THSD4: variants seen among roughly 807,000 people sequenced by gnomAD.
THSD4 encodes the protein thrombospondin type 1 domain containing 4, also known as thrombospondin type-1 domain-containing protein 4.
Under a neutral mutation model 119.0 loss-of-function variants are expected in THSD4, and 69 were observed. The ratio of observed to expected loss-of-function variants is 0.58; its 90% CI spans 0.48 to 0.71. The LOEUF (loss-of-function observed/expected upper bound fraction) is 0.71, where lower values mean the gene tolerates loss of function less well. Among genes scored for constraint, THSD4 ranks in the 30% least tolerant of loss-of-function variants. The pLI, the probability that THSD4 is intolerant of heterozygous loss-of-function variation, is 0.00. For missense variants in THSD4, 1,393 were observed against 1,391.1 expected, an observed-to-expected ratio of 1.00 and a Z score of -0.02; for synonymous variants, 524 against 540.4, an observed-to-expected ratio of 0.97 and a Z score of 0.42.
intron 7 of THSD4, among the ~76,000 whole-genome samples, chr15:71,588,240 AG>A (rs2049723276): frequency 6.8e-6 from 1 of 147,160 alleles, no homozygotes; most frequent in Non-Finnish European, 1.5e-5. Flanking sequence ...CGGGAGGCGG[AG>A]CTTGCAGTGA....
In THSD4 at chr15:71,411,793, C is replaced by T; in HGVS notation, c.1122C>T (p.Gly374=). The change falls in exon 7 of 18, where the codon GGC becomes GGT. Residue 374 remains glycine, a synonymous_variant. Coordinates refer to ENST00000261862, the MANE Select transcript of THSD4 (RefSeq NM_024817.3). The stretch of plus-strand genomic sequence containing the variant: ...ATGGCACCCCCTGTGACCAGAACGG[C>T]ACGGCCATCTGTGTGTCTGGGCAGT... ...VIDGTPCDQN[G]TAICVSGQCK... is the part of the protein sequence containing the mutation. The T allele has an allele frequency of 6.2e-7, 1 of 1,614,084 alleles. No individual in the cohort carries two copies. The highest frequency in any genetic ancestry group is 8.5e-7 in the Non-Finnish European group (1 of 1,179,986).
intron 2 of THSD4, among the ~76,000 whole-genome samples, chr15:71,149,969 A>G (rs750837143): frequency 2.0e-5 from 3 of 152,116 alleles, no homozygotes; most frequent in Non-Finnish European, 2.9e-5. Context: ...AAAACCTAGA[A>G]CAGCACTGGG....
At chr15:71,603,972 A>G (rs76259531) in intron 7 of THSD4, among the ~76,000 whole-genome samples, 4,498 of 152,296 alleles carry the variant, frequency 0.03, 198 homozygotes, top group African/African-American at 0.1. Flanking sequence ...TAGAAGAAAG[A>G]AAAAATAGCC....
intron 10 of THSD4, among the ~76,000 whole-genome samples, 186 bp from the exon 11 acceptor site, chr15:71,737,546 C>T (rs151196903): frequency 6.0e-4 from 91 of 152,264 alleles, no homozygotes; most frequent in African/African-American, 2.1e-3. Flanking sequence ...TATTGATTTT[C>T]AAAAGTGCTT....
chr15:71,299,976 A>AATATATATATATATAT (rs1185451144), intron 6 of THSD4, among the ~76,000 whole-genome samples: 2 of 48,320 alleles, frequency 4.1e-5, no homozygotes, highest in African/African-American at 7.7e-5. Flanking sequence ...AAAAAAAAAA[A>AATATATATATATATAT]ATATATATAT....
intron 7 of THSD4, among the ~76,000 whole-genome samples, chr15:71,434,366 C>A (rs1436700379): frequency 6.6e-6 from 1 of 150,748 alleles, no homozygotes; most frequent in Non-Finnish European, 1.5e-5. Context: ...TGAGAGGAAC[C>A]TGCCCACGAG....
intron 5 of THSD4, among the ~76,000 whole-genome samples, chr15:71,248,387 G>T (rs1328160558): frequency 6.6e-6 from 1 of 152,128 alleles, no homozygotes; most frequent in Non-Finnish European, 1.5e-5. Context: ...CTTTCTTTTA[G>T]GTGCTCTGAA....
chr15:71,415,349 T>C (rs1406876796), intron 7 of THSD4, among the ~76,000 whole-genome samples: 2 of 152,260 alleles, frequency 1.3e-5, no homozygotes, highest in African/African-American at 4.8e-5. Context: ...AGCCTATGTT[T>C]ATCCAGTTCT....
At chr15:71,202,338 G>T (rs1178896210) in intron 3 of THSD4, among the ~76,000 whole-genome samples, 2 of 152,078 alleles carry the variant, frequency 1.3e-5, no homozygotes, top group African/African-American at 4.8e-5. Context: ...TCATCTCTTG[G>T]CTACTTTCCT....
At chr15:71,660,970 C>A (rs1211990635) in intron 8 of THSD4, among the ~76,000 whole-genome samples, 1 of 152,180 alleles carries the variant, frequency 6.6e-6, no homozygotes, top group Non-Finnish European at 1.5e-5. Context: ...TTTAAACCAG[C>A]CTTTGCTTTT....
At chr15:71,708,063 T>C (rs8043293) in intron 8 of THSD4, among the ~76,000 whole-genome samples, 3,588 of 152,270 alleles carry the variant, frequency 0.024, 132 homozygotes, top group African/African-American at 0.082. Flanking sequence ...CTGTACTGTC[T>C]GGGAAGTTTT....
At position 71,447,109 on chromosome 15, in the gene THSD4, A is replaced by ATTTTTTTTTTT. The variant is rs1491223591; in HGVS notation, c.1152+35294_1152+35295insTTTTTTTTTTT. On this transcript the variant is annotated intron_variant, in intron 7 of 17. Transcript: ENST00000261862. The stretch of plus-strand genomic sequence containing the variant: ...TGTCCTCTGTTGCCCTCTTCCCTCC[A>ATTTTTTTTTTT]TTTTTTTTGTTTTTTTTTTTTTTTT... Among the ~76,000 whole-genome samples the ATTTTTTTTTTT allele has an allele frequency of 1.0e-4, 7 of 69,478 alleles. 1 individual carries two copies. The highest frequency in any genetic ancestry group is 2.8e-4 in the African/African-American group (5 of 18,162). 45.6% of individuals were successfully genotyped at this position (69,478 alleles called of 152,430 possible).
chr15:71,622,049 G>T (rs750683209), intron 7 of THSD4, among the ~76,000 whole-genome samples: 25 of 152,192 alleles, frequency 1.6e-4, no homozygotes, highest in Non-Finnish European at 2.9e-4. Context: ...TGGTTCAGGT[G>T]ATCTTGGAGG....
At chr15:71,111,271 A>G, upstream of THSD4, 1 of 1,614,030 alleles carries the variant, frequency 6.2e-7, no homozygotes, top group South Asian at 1.1e-5. Flanking sequence ...CTTCATGGGA[A>G]TCCTTGACAT....
chr15:71,428,820 A>G (rs1425578921), intron 7 of THSD4, among the ~76,000 whole-genome samples: 2 of 152,204 alleles, frequency 1.3e-5, no homozygotes, highest in African/African-American at 2.4e-5. Flanking sequence ...ATATTTTTCT[A>G]CATCTACAAG....
At chr15:71,588,607 G>GTATTTTTT (rs1338295741) in intron 7 of THSD4, among the ~76,000 whole-genome samples, 4 of 151,818 alleles carry the variant, frequency 2.6e-5, no homozygotes, top group Admixed American at 2.0e-4. Flanking sequence ...TGTATTTTTT[G>GTATTTTTT]TATTTTTAGT....
chr15:71,704,924 G>A (rs2052365757), intron 8 of THSD4, among the ~76,000 whole-genome samples: 1 of 152,222 alleles, frequency 6.6e-6, no homozygotes, highest in South Asian at 2.1e-4. Flanking sequence ...CTGATGTAAA[G>A]TGTTTGGCCT....
Position 71,704,880 on chromosome 15 carries a change from C to T in THSD4, c.1358-23669C>T, listed in dbSNP as rs747812988. 1.1e-4 allele frequency among the ~76,000 whole-genome samples: 16 copies of T among 152,234 alleles called. 1 individual carries two copies. The South Asian group carries it at 1.9e-3, about 18-fold the overall frequency. Reference sequence around the variant, plus strand: ...CACGGCAAGCCTTAGCCTCTGTGAACGAGAAGTACATAGTGATACCATCTT... The same window carrying T: ...CACGGCAAGCCTTAGCCTCTGTGAATGAGAAGTACATAGTGATACCATCTT... On this transcript the variant is annotated intron_variant, in intron 8 of 17. Coordinates refer to ENST00000261862, the MANE Select transcript of THSD4 (RefSeq NM_024817.3).
intron 7 of THSD4, among the ~76,000 whole-genome samples, chr15:71,630,472 ACTTT>A (rs1268192115): frequency 6.6e-6 from 1 of 152,146 alleles, no homozygotes; most frequent in African/African-American, 2.4e-5. Context: ...TTCCTCAAAA[ACTTT>A]CTTTATATAA....
Sources: gnomAD v4.1 joint callset for allele counts (sites outside exome capture counted in the v4.1 genomes callset) on GRCh38, gnomAD v4.1.1 for gene constraint, MANE v1.5 for transcripts, NCBI Gene and HGNC (gene_info 2026-07-23, HGNC 2026-07-21) for gene names.